PALLD: variants seen among roughly 807,000 people sequenced by gnomAD.
PALLD encodes the protein palladin, cytoskeletal associated protein.
In PALLD, 61 loss-of-function variants were observed where a neutral mutation model predicts 123.5. The observed-to-expected ratio is 0.49, with a 90% CI of 0.40 to 0.61. The LOEUF (loss-of-function observed/expected upper bound fraction) is 0.61. PALLD is among the 20% of genes least tolerant of loss of function. The probability of loss-of-function intolerance (pLI) is 0.00; values close to 1 mark genes in which losing one functional copy is unlikely to be tolerated. For missense variants in PALLD, 1,273 were observed against 1,377.0 expected, an observed-to-expected ratio of 0.92 and a Z score of 1.20; for synonymous variants, 465 against 496.4, an observed-to-expected ratio of 0.94 and a Z score of 0.84.
intron 2 of PALLD, among the ~76,000 whole-genome samples, chr4:168,558,662 C>G (rs1250706863): frequency 6.6e-6 from 1 of 152,148 alleles, no homozygotes; most frequent in Non-Finnish European, 1.5e-5. Context: ...ATGGATCTGT[C>G]TCAGATACAC....
At chr4:168,917,044 T>TG (rs1285807614) in intron 17 of PALLD, among the ~76,000 whole-genome samples, 18 of 140,004 alleles carry the variant, frequency 1.3e-4, no homozygotes, top group African/African-American at 5.0e-4. Flanking sequence ...TTTTGTTTTT[T>TG]TGGGGTTTTT....
chr4:168,518,190 C>T (rs145536823), intron 2 of PALLD, among the ~76,000 whole-genome samples: 1 of 152,094 alleles, frequency 6.6e-6, no homozygotes, highest in Non-Finnish European at 1.5e-5. Context: ...ATCCAGCTGG[C>T]ACCACCTTTA....
intron 10 of PALLD, among the ~76,000 whole-genome samples, chr4:168,872,091 T>C (rs1401935933): frequency 6.6e-6 from 1 of 152,232 alleles, no homozygotes; most frequent in Non-Finnish European, 1.5e-5. Flanking sequence ...TCATGTTACA[T>C]GAGAGACTCA....
chr4:168,688,591 T>C (rs1230443580), intron 6 of PALLD, among the ~76,000 whole-genome samples: 2 of 152,214 alleles, frequency 1.3e-5, no homozygotes, highest in African/African-American at 2.4e-5. Context: ...TTCAGTCTCC[T>C]TTGGGGCTCC....
intron 2 of PALLD, among the ~76,000 whole-genome samples, chr4:168,570,140 T>A (rs1768824382): frequency 6.6e-6 from 1 of 152,176 alleles, no homozygotes; most frequent in African/African-American, 2.4e-5. Context: ...AGTAAACAAC[T>A]TACTTTACTG....
chr4:168,672,549 T>G (rs897004393), intron 3 of PALLD, among the ~76,000 whole-genome samples: 1 of 151,876 alleles, frequency 6.6e-6, no homozygotes, highest in African/African-American at 2.4e-5. Flanking sequence ...AGCTCTGCCT[T>G]CCGGGTTCAC....
intron 2 of PALLD, among the ~76,000 whole-genome samples, chr4:168,573,163 C>G (rs909221822): frequency 6.6e-6 from 1 of 151,676 alleles, no homozygotes; most frequent in Admixed American, 6.6e-5. Flanking sequence ...TTTCCAGTTC[C>G]TTCTGCCTGG....
At position 168,924,412 on chromosome 4, in the gene PALLD, C is replaced by T. The variant is rs1214801400; in HGVS notation, c.3216C>T (p.Asp1072=). ...KENESLTHST[D]RVSMHQDNHG... is the part of the protein sequence containing the mutation. ...ATGAATCACTCACTCACAGCACTGACCGAGTGAGGTAAGACTGCACAATGA... is the reference window on the plus strand; with the variant it reads ...ATGAATCACTCACTCACAGCACTGATCGAGTGAGGTAAGACTGCACAATGA... The change falls in exon 19 of 22, where the codon GAC becomes GAT. Residue 1072 remains aspartate (D), a synonymous_variant. Coordinates refer to ENST00000505667, the MANE Select transcript of PALLD (RefSeq NM_001166108.2). 5 of 1,613,296 alleles carry T rather than the reference C, an allele frequency of 3.1e-6. No individual in the cohort carries two copies. The highest frequency in any genetic ancestry group is 1.7e-5 in the Admixed American group (1 of 60,000).
chr4:168,544,276 AT>A (rs1210713595), intron 2 of PALLD, among the ~76,000 whole-genome samples: 3 of 152,232 alleles, frequency 2.0e-5, no homozygotes, highest in Admixed American at 2.0e-4. Flanking sequence ...AACTTGACTT[AT>A]TTGTCCATTT....
rs1745636445 is a variant in PALLD, at chr4:168,839,090, C to G, written c.1965-51832C>G. 2.0e-5 allele frequency among the ~76,000 whole-genome samples: 3 copies of G among 152,086 alleles called. No individual in the cohort carries two copies. The South Asian group carries it at 6.2e-4, about 32-fold the overall frequency. On this transcript the variant is annotated intron_variant, in intron 10 of 21. Transcript: ENST00000505667. Reference sequence around the variant, plus strand: ...ACCTCAGTCTCCCAAATAGCTGGGACTACAGGCATGCGCCACCACGCCCAG... The same window carrying G: ...ACCTCAGTCTCCCAAATAGCTGGGAGTACAGGCATGCGCCACCACGCCCAG...
intron 10 of PALLD, among the ~76,000 whole-genome samples, chr4:168,733,705 T>G (rs116199519): frequency 0.013 from 1,936 of 152,244 alleles, 39 homozygotes; most frequent in African/African-American, 0.044. Flanking sequence ...GGGCTGGGAT[T>G]ACAGAAATGT....
intron 10 of PALLD, among the ~76,000 whole-genome samples, chr4:168,876,986 A>G (rs1751833094): frequency 6.6e-6 from 1 of 152,214 alleles, no homozygotes; most frequent in Non-Finnish European, 1.5e-5. Flanking sequence ...TCAATGGTAA[A>G]TATTTGGGGA....
chr4:168,753,762 G>A (rs1467684850), intron 10 of PALLD, among the ~76,000 whole-genome samples: 1 of 152,148 alleles, frequency 6.6e-6, no homozygotes, highest in African/African-American at 2.4e-5. Flanking sequence ...CCGTGTGACC[G>A]AACCACCTTG....
intron 10 of PALLD, among the ~76,000 whole-genome samples, chr4:168,866,122 G>A (rs1750246105): frequency 6.6e-6 from 1 of 151,884 alleles, no homozygotes; most frequent in African/African-American, 2.4e-5. Flanking sequence ...AAATTCCACT[G>A]GGTGTGGTGG....
intron 11 of PALLD, chr4:168,894,323 C>G (rs1029406279): frequency 6.1e-6 from 3 of 493,578 alleles, no homozygotes; most frequent in Middle Eastern, 5.6e-4. Flanking sequence ...TGGTTTCTTC[C>G]TTGTCGCTTA....
intron 10 of PALLD, among the ~76,000 whole-genome samples, chr4:168,784,693 GT>G (rs1258409998): frequency 2.6e-5 from 4 of 152,246 alleles, no homozygotes; most frequent in African/African-American, 7.2e-5. Context: ...GTCAACCCAA[GT>G]TTGGGGTAGG....
chr4:168,676,477 A>G (rs1000079683), intron 3 of PALLD, among the ~76,000 whole-genome samples: 1 of 151,144 alleles, frequency 6.6e-6, no homozygotes, highest in Non-Finnish European at 1.5e-5. Context: ...CAGTTCAGTA[A>G]AGTCAGTTAG....
chr4:168,525,206 C>T (rs1293424919), intron 2 of PALLD, among the ~76,000 whole-genome samples: 1 of 152,136 alleles, frequency 6.6e-6, no homozygotes, highest in Non-Finnish European at 1.5e-5. Flanking sequence ...GTTCAAGTGA[C>T]TTCTGATATA....
At chr4:168,764,581 C>T (rs1733401824) in intron 10 of PALLD, among the ~76,000 whole-genome samples, 1 of 152,168 alleles carries the variant, frequency 6.6e-6, no homozygotes, top group South Asian at 2.1e-4. Context: ...CTGTGCCCAA[C>T]TTTTAGAGAT....
Sources: allele counts gnomAD v4.1 joint callset (sites outside exome capture counted in the v4.1 genomes callset), GRCh38; gene constraint gnomAD v4.1.1; transcripts MANE v1.5; gene names NCBI Gene and HGNC (gene_info 2026-07-23, HGNC 2026-07-21).